Variants in FHIT observed in about 807,000 individuals in gnomAD.
FHIT encodes fragile histidine triad diadenosine triphosphatase, also known as bis(5'-adenosyl)-triphosphatase.
FHIT carries 19 observed loss-of-function variants against 17.9 expected under a neutral mutation model. The ratio of observed to expected loss-of-function variants is 1.06; its 90% CI spans 0.74 to 1.56. FHIT has a LOEUF of 1.56. FHIT is among the 40% of genes most tolerant of loss of function. FHIT has a pLI of 0.00. For synonymous variants in FHIT, 81 were observed against 69.7 expected, an observed-to-expected ratio of 1.16 and a Z score of -0.81; for missense variants, 248 against 189.2, an observed-to-expected ratio of 1.31 and a Z score of -1.82.
chr3:60,448,167 G>C (rs1319764671), intron 5 of FHIT, among the ~76,000 whole-genome samples: 1 of 152,074 alleles, frequency 6.6e-6, no homozygotes, highest in African/African-American at 2.4e-5. Context: ...TCTTGAGAGG[G>C]CTTTAGTCTC....
chr3:61,076,938 G>GT (rs768119899), intron 2 of FHIT, among the ~76,000 whole-genome samples: 10 of 152,134 alleles, frequency 6.6e-5, no homozygotes, highest in Non-Finnish European at 1.3e-4. Context: ...AAGGAACATA[G>GT]TATTCATCCT....
intron 5 of FHIT, among the ~76,000 whole-genome samples, chr3:60,330,269 G>C (rs1709900946): frequency 6.6e-6 from 1 of 152,104 alleles, no homozygotes; most frequent in African/African-American, 2.4e-5. Flanking sequence ...GATTCAAACG[G>C]GTCATAAACC....
At chr3:60,177,491 T>G (rs765026186) in intron 5 of FHIT, among the ~76,000 whole-genome samples, 4 of 152,202 alleles carry the variant, frequency 2.6e-5, no homozygotes, top group Non-Finnish European at 5.9e-5. Context: ...AAAGGAATGA[T>G]TCTAACTATA....
intron 7 of FHIT, among the ~76,000 whole-genome samples, chr3:59,958,514 T>C (rs1707513583): frequency 6.6e-6 from 1 of 152,202 alleles, no homozygotes; most frequent in Non-Finnish European, 1.5e-5. Context: ...TGAAGTGCTA[T>C]AATTAGGTAT....
At chr3:59,925,668 T>G (rs1236218272) in intron 7 of FHIT, among the ~76,000 whole-genome samples, 1 of 152,188 alleles carries the variant, frequency 6.6e-6, no homozygotes, top group Non-Finnish European at 1.5e-5. Context: ...GGTAACCACT[T>G]GAAATTCGCC....
intron 3 of FHIT, among the ~76,000 whole-genome samples, chr3:60,909,497 T>C (rs2107262495): frequency 6.6e-6 from 1 of 152,320 alleles, no homozygotes; most frequent in South Asian, 2.1e-4. Flanking sequence ...TGCAGTATTG[T>C]GATGTGGTTC....
At chr3:59,913,091 A>G (rs1374511957) in intron 8 of FHIT, among the ~76,000 whole-genome samples, 1 of 152,216 alleles carries the variant, frequency 6.6e-6, no homozygotes, top group Admixed American at 6.5e-5. Flanking sequence ...TCCTAAAAGC[A>G]GAGAAAATTC....
intron 5 of FHIT, among the ~76,000 whole-genome samples, chr3:60,176,584 A>G (rs1701683179): frequency 2.0e-5 from 3 of 152,184 alleles, no homozygotes; most frequent in African/African-American, 7.2e-5. Context: ...GAAACGGACA[A>G]ACACCTAGGT....
At chr3:60,098,635 G>C (rs1222961762) in intron 5 of FHIT, among the ~76,000 whole-genome samples, 6 of 152,146 alleles carry the variant, frequency 3.9e-5, no homozygotes, top group African/African-American at 1.4e-4. Context: ...CAGATGAATA[G>C]ATTGCAAAAA....
chr3:60,866,216 C>T (rs1283986507), intron 3 of FHIT, among the ~76,000 whole-genome samples: 1 of 152,120 alleles, frequency 6.6e-6, no homozygotes, highest in Non-Finnish European at 1.5e-5. Context: ...GATGTGCTAC[C>T]CAGCCCCTAA....
At chr3:59,855,939 C>T (rs9835872) in intron 8 of FHIT, among the ~76,000 whole-genome samples, 2 of 106,448 alleles carry the variant, frequency 1.9e-5, no homozygotes, top group Admixed American at 1.6e-4. Context: ...CGCCACCACG[C>T]CCGGCTAATT....
chr3:61,165,161 T>C (rs1277811181), intron 2 of FHIT, among the ~76,000 whole-genome samples: 5 of 152,238 alleles, frequency 3.3e-5, no homozygotes, highest in Admixed American at 3.3e-4. Flanking sequence ...TCCTCAGTAA[T>C]GTGATTGCTA....
intron 4 of FHIT, among the ~76,000 whole-genome samples, chr3:60,588,774 CA>C (rs1479996680): frequency 1.3e-5 from 2 of 152,002 alleles, no homozygotes; most frequent in East Asian, 3.9e-4. Context: ...CTCAGCTTCC[CA>C]AAGTGTTGGG....
intron 5 of FHIT, among the ~76,000 whole-genome samples, chr3:60,302,829 T>C (rs769534842): frequency 7.2e-5 from 11 of 152,082 alleles, no homozygotes; most frequent in Non-Finnish European, 1.5e-4. Flanking sequence ...TAGGCTCAAA[T>C]GGGGGCTGAT....
chr3:60,435,514 T>C (rs190519401), intron 5 of FHIT, among the ~76,000 whole-genome samples: 7 of 152,232 alleles, frequency 4.6e-5, no homozygotes, highest in Admixed American at 2.6e-4. Flanking sequence ...AAGTAAACTT[T>C]GGTTACATTG....
chr3:60,250,246 T>C (rs1480721090), intron 5 of FHIT, among the ~76,000 whole-genome samples: 4 of 152,158 alleles, frequency 2.6e-5, no homozygotes, highest in Admixed American at 6.5e-5. Context: ...ATAAATTCTA[T>C]TGTCTGCTTA....
intron 4 of FHIT, among the ~76,000 whole-genome samples, chr3:60,603,035 A>G (rs1463985599): frequency 5.3e-5 from 8 of 152,204 alleles, no homozygotes; most frequent in Non-Finnish European, 1.2e-4. Context: ...CAGCCCAAAC[A>G]GACTAGGACA....
rs553808185 is a variant in FHIT at position 61,106,653 on chromosome 3, TTTTG to T, written c.-163-64558_-163-64555del. Among the ~76,000 whole-genome samples, 63 of 152,158 alleles carry T rather than the reference TTTTG, an allele frequency of 4.1e-4. No homozygotes were observed. The South Asian group carries it at 8.5e-3, about 21-fold the overall frequency. On this transcript the variant is annotated intron_variant, in intron 2 of 9. Transcript: ENST00000492590. ...ATTAACATATGCATTCATCACATCT[TTTTG>T]TTTGTTTGTTTGTTTGTTTTTTGAG...
At chr3:60,765,097 C>T (rs1287823151) in intron 4 of FHIT, among the ~76,000 whole-genome samples, 1 of 152,124 alleles carries the variant, frequency 6.6e-6, no homozygotes, top group Non-Finnish European at 1.5e-5. Context: ...AGAAAAAAGA[C>T]TGGCACTGGG....
Sources: allele counts gnomAD v4.1 joint callset (sites outside exome capture counted in the v4.1 genomes callset), GRCh38; gene constraint gnomAD v4.1.1; transcripts MANE v1.5; gene names NCBI Gene and HGNC (gene_info 2026-07-23, HGNC 2026-07-21).